The following RNF38 variants were observed in gnomAD, a reference collection of about 807,000 sequenced individuals.
RNF38 encodes ring finger protein 38, also known as E3 ubiquitin-protein ligase RNF38.
In RNF38, 15 loss-of-function variants were observed where a neutral mutation model predicts 67.2. The observed-to-expected ratio is 0.22, with a 90% CI of 0.15 to 0.34. The LOEUF (loss-of-function observed/expected upper bound fraction) is 0.34, where lower values mean the gene tolerates loss of function less well. RNF38 is among the 10% of genes least tolerant of loss of function. The pLI, the probability that RNF38 is intolerant of heterozygous loss-of-function variation, is 1.00. For missense variants in RNF38, 524 were observed against 639.9 expected (o/e 0.82, Z 1.95); for synonymous variants, 220 against 218.8 (o/e 1.01, Z -0.05).
intron 1 of RNF38, among the ~76,000 whole-genome samples, chr9:36,433,686 CAAAA>C (rs199573932): frequency 2.2e-4 from 15 of 68,838 alleles, no homozygotes; most frequent in Non-Finnish European, 4.3e-4. Flanking sequence ...GACTTCGCCT[CAAAA>C]AAAAAAAAAA....
chr9:36,466,965 G>C (rs1471265234), intron 1 of RNF38, among the ~76,000 whole-genome samples: 1 of 149,170 alleles, frequency 6.7e-6, no homozygotes, highest in Admixed American at 6.7e-5. Flanking sequence ...TTTCACCTAA[G>C]GTTAGGAGTT....
At chr9:36,442,690 A>G (rs1470523547) in intron 1 of RNF38, among the ~76,000 whole-genome samples, 1 of 152,178 alleles carries the variant, frequency 6.6e-6, no homozygotes, top group Non-Finnish European at 1.5e-5. Flanking sequence ...GAGGAAGGAG[A>G]ATCACTTGAA....
chr9:36,449,075 TCTC>T (rs971104705), intron 1 of RNF38, among the ~76,000 whole-genome samples: 4 of 152,188 alleles, frequency 2.6e-5, no homozygotes, highest in African/African-American at 9.7e-5. Flanking sequence ...GATACCTAGA[TCTC>T]CTCTACAAAT....
chr9:36,367,927 C>T (rs191913276), intron 4 of RNF38, among the ~76,000 whole-genome samples: 1 of 152,232 alleles, frequency 6.6e-6, no homozygotes, highest in Admixed American at 6.5e-5. Context: ...GCTTGGCTCA[C>T]TGCAACCTCC....
chr9:36,369,241 C>T (rs911246732), intron 4 of RNF38, among the ~76,000 whole-genome samples: 25 of 151,962 alleles, frequency 1.6e-4, no homozygotes, highest in African/African-American at 5.6e-4. Flanking sequence ...AACCTTGATC[C>T]TTTTTTTTAA....
chr9:36,456,654 A>G (rs1452029287), intron 1 of RNF38, among the ~76,000 whole-genome samples: 1 of 152,022 alleles, frequency 6.6e-6, no homozygotes, highest in South Asian at 2.1e-4. Context: ...TCTTCCTGCA[A>G]TTCACCTCTC....
intron 1 of RNF38, among the ~76,000 whole-genome samples, chr9:36,430,206 A>G (rs1203510583): frequency 6.6e-6 from 1 of 152,030 alleles, no homozygotes; most frequent in Non-Finnish European, 1.5e-5. Context: ...AAGAATTATT[A>G]TTATTATTAT....
chr9:36,362,600 A>G (rs1416102829), intron 4 of RNF38, among the ~76,000 whole-genome samples: 1 of 151,118 alleles, frequency 6.6e-6, no homozygotes, highest in Non-Finnish European at 1.5e-5. Context: ...TCTCACAGCC[A>G]CTCTTTGATC....
intron 11 of RNF38, 47 bp from the exon 12 acceptor site, chr9:36,339,861 G>C: frequency 7.0e-7 from 1 of 1,434,530 alleles, no homozygotes; most frequent in Non-Finnish European, 9.7e-7. Flanking sequence ...CACATACAAT[G>C]AAACACATTC....
chr9:36,344,755 C>A, intron 10 of RNF38, 77 bp downstream of exon 10: 1 of 1,428,580 alleles, frequency 7.0e-7, no homozygotes, highest in Non-Finnish European at 9.6e-7. Flanking sequence ...CCAACTTTTA[C>A]CTTAATGACT....
intron 1 of RNF38, among the ~76,000 whole-genome samples, chr9:36,398,646 G>C (rs562438665): frequency 6.6e-6 from 1 of 152,306 alleles, no homozygotes; most frequent in East Asian, 1.9e-4. Flanking sequence ...GCTCTTTCCA[G>C]AGAAAAGGCT....
chr9:36,426,308 C>T (rs1345497753), intron 1 of RNF38, among the ~76,000 whole-genome samples: 1 of 152,036 alleles, frequency 6.6e-6, no homozygotes, highest in Non-Finnish European at 1.5e-5. Flanking sequence ...TTTCACCACC[C>T]TAAAAAGAAA....
upstream of RNF38, among the ~76,000 whole-genome samples, chr9:36,405,889 A>G (rs1838166144): frequency 6.6e-6 from 1 of 152,248 alleles, no homozygotes; most frequent in African/African-American, 2.4e-5. Flanking sequence ...GTGCTAGTTA[A>G]TAGTCTGTCA....
At chr9:36,370,553 C>T (rs993226955) in intron 3 of RNF38, among the ~76,000 whole-genome samples, 1 of 152,058 alleles carries the variant, frequency 6.6e-6, no homozygotes, top group African/African-American at 2.4e-5. Context: ...AAATTTTTAA[C>T]TTTTAATTTT....
chr9:36,408,112 A>T (rs1838227021), intron 2 of RNF38, among the ~76,000 whole-genome samples: 1 of 151,964 alleles, frequency 6.6e-6, no homozygotes, highest in South Asian at 2.1e-4. Flanking sequence ...GGCAGCATCA[A>T]TTTTTTTAAT....
At chr9:36,390,688 A>G in intron 1 of RNF38, 72 bp from the exon 2 acceptor site, 1 of 1,443,504 alleles carries the variant, frequency 6.9e-7, no homozygotes, top group Non-Finnish European at 9.4e-7. Flanking sequence ...CCTATGAAGG[A>G]TAGTCTGGAT....
intron 1 of RNF38, among the ~76,000 whole-genome samples, chr9:36,460,188 G>C (rs1839693597): frequency 6.6e-6 from 1 of 152,114 alleles, no homozygotes; most frequent in Non-Finnish European, 1.5e-5. Context: ...TTGCCTACAA[G>C]ACGTTGAGGA....
intron 2 of RNF38, among the ~76,000 whole-genome samples, chr9:36,418,551 T>G (rs1838533916): frequency 6.6e-6 from 1 of 151,668 alleles, no homozygotes; most frequent in South Asian, 2.1e-4. Flanking sequence ...TTTGGGAGGC[T>G]GAGGCGGGCA....
At chr9:36,353,146 A>T (rs1326497324) in intron 7 of RNF38, 24 bp downstream of exon 7, 1 of 1,601,136 alleles carries the variant, frequency 6.2e-7, no homozygotes, top group Admixed American at 1.7e-5. Flanking sequence ...CAAGTAATTA[A>T]CATAGTACTC....
Sources: allele counts gnomAD v4.1 joint callset (sites outside exome capture counted in the v4.1 genomes callset), GRCh38; gene constraint gnomAD v4.1.1; transcripts MANE v1.5; gene names NCBI Gene and HGNC (gene_info 2026-07-23, HGNC 2026-07-21).